NET1: variants seen among roughly 807,000 people sequenced by gnomAD.
The protein encoded by NET1 is neuroepithelial cell-transforming gene 1 protein.
NET1 carries 42 observed loss-of-function variants against 61.1 expected under a neutral mutation model. That is an observed-to-expected ratio of 0.69 (90% CI 0.54 to 0.89). The LOEUF is 0.89. Among genes scored for constraint, NET1 ranks in the 40% least tolerant of loss-of-function variants. The pLI is 0.00. For synonymous variants in NET1, 254 were observed against 281.8 expected, an observed-to-expected ratio of 0.90 and a Z score of 0.99; for missense variants, 654 against 747.3, an observed-to-expected ratio of 0.88 and a Z score of 1.46.
Position 5,427,149 on chromosome 10 carries a change from A to G in NET1, c.195+428A>G, listed in dbSNP as rs1741306513. 6.6e-6 allele frequency among the ~76,000 whole-genome samples: 1 copy of G among 152,156 alleles called. No homozygotes were observed. The highest frequency in any genetic ancestry group is 2.4e-5 in the African/African-American group (1 of 41,544). On this transcript the variant is annotated intron_variant, in intron 2 of 11. Coordinates refer to ENST00000355029, the MANE Select transcript of NET1 (RefSeq NM_001047160.3). The surrounding 1 kb of genome is among the most constrained non-coding windows in gnomAD (Gnocchi z 4.1). ...ATTTTCTGCTATTAATCATCTCAGC[A>G]TAGAGGGACTCTATTATTTTTATAG... is the stretch of plus-strand genomic sequence containing the variant.
In NET1 at chr10:5,441,409, A is replaced by G. The variant is rs775418619; in HGVS notation, c.256-10421A>G. Among the ~76,000 whole-genome samples, 4 of 152,248 alleles carry G rather than the reference A, an allele frequency of 2.6e-5. No individual in the cohort carries two copies. Among genetic ancestry groups the G allele is most frequent in the African/African-American group, 9.6e-5 (4 of 41,464 alleles). ...GCTGAGAAAACAGGAGGCTGGGCAC[A>G]AGACACAATATCCTTTTGTCTTTAG... On this transcript the variant is annotated intron_variant, in intron 3 of 11. Transcript: ENST00000355029. This position sits in a 1 kb window ranked among gnomAD's most constrained non-coding sequence, Gnocchi z 4.6.
chr10:5,427,571 T>C lies in NET1; in HGVS notation c.195+850T>C, dbSNP rs1832277192. Among the ~76,000 whole-genome samples the C allele has an allele frequency of 6.6e-6, 1 of 152,230 alleles. No homozygotes were observed. Among genetic ancestry groups the C allele is most frequent in the South Asian group, 2.1e-4 (1 of 4,830 alleles). On this transcript the variant is annotated intron_variant, in intron 2 of 11. Transcript: ENST00000355029. This position sits in a 1 kb window ranked among gnomAD's most constrained non-coding sequence, Gnocchi z 4.1. ...ATACACAAGCAGGATTTATGGTTAG[T>C]TGGCCTTTCAAACCTGGGATCATAT...
chr10:5,420,550 C>T lies in NET1; in HGVS notation c.129-6105C>T, dbSNP rs1832155922. 6.6e-6 allele frequency among the ~76,000 whole-genome samples: 1 copy of T among 152,122 alleles called. No individual in the cohort carries two copies. ...ACAGGCCTCTTAACGTCTTTCTCCT[C>T]ACCTCCCAGTTCTGGGTAGTAGGCA... On this transcript the variant is annotated intron_variant, in intron 1 of 11. Transcript: ENST00000355029. The surrounding 1 kb of genome is among the most constrained non-coding windows in gnomAD (Gnocchi z 5.3).
intron 3 of NET1, among the ~76,000 whole-genome samples, chr10:5,433,653 G>A (rs1832382311): frequency 6.6e-6 from 1 of 152,030 alleles, no homozygotes; most frequent in East Asian, 1.9e-4. Context: ...ATTGTGTTCT[G>A]GCATAAACTA....
At chr10:5,413,386 A>G (rs535912400) in intron 1 of NET1, among the ~76,000 whole-genome samples, 2 of 152,330 alleles carry the variant, frequency 1.3e-5, no homozygotes, top group South Asian at 4.1e-4. Flanking sequence ...TGAGATGCCT[A>G]TTAGAGAGTT....
At chr10:5,414,792 T>A (rs1832051414) in intron 1 of NET1, among the ~76,000 whole-genome samples, 1 of 152,070 alleles carries the variant, frequency 6.6e-6, no homozygotes, top group African/African-American at 2.4e-5. Flanking sequence ...AAGGACAGAA[T>A]CCAAATTCAA....
rs1227887867 is a variant in NET1, at chr10:5,439,042, T to C, written c.255+9813T>C. 1.3e-5 allele frequency among the ~76,000 whole-genome samples: 2 copies of C among 152,246 alleles called. No individual in the cohort carries two copies. The highest frequency in any genetic ancestry group is 2.9e-5 in the Non-Finnish European group (2 of 68,042). On this transcript the variant is annotated intron_variant, in intron 3 of 11. Coordinates refer to ENST00000355029, the MANE Select transcript of NET1 (RefSeq NM_001047160.3). This position sits in a 1 kb window ranked among gnomAD's most constrained non-coding sequence, Gnocchi z 4.8. ...TCCTTCCACTTTGTGGCCATTCTCATAGGCCCATCCATATGCCTCTTCTCC... is the reference window on the plus strand; with the variant it reads ...TCCTTCCACTTTGTGGCCATTCTCACAGGCCCATCCATATGCCTCTTCTCC...
Position 5,455,545 on chromosome 10 carries a change from G to A in NET1, c.1197+427G>A, listed in dbSNP as rs1588441841. On this transcript the variant is annotated intron_variant, in intron 10 of 11. Coordinates refer to ENST00000355029, the MANE Select transcript of NET1 (RefSeq NM_001047160.3). The surrounding 1 kb of genome is among the most constrained non-coding windows in gnomAD (Gnocchi z 6.5). ...ATGCTAATTATAAAAGTACCTGCTA[G>A]AACTAAGTGCAGTCACGGAATGGTA... Among the ~76,000 whole-genome samples the A allele has an allele frequency of 6.6e-6, 1 of 152,306 alleles. No homozygotes were observed. The highest frequency in any genetic ancestry group is 2.1e-4 in the South Asian group (1 of 4,824).
Position 5,426,488 on chromosome 10 carries a change from G to T in NET1, c.129-167G>T, listed in dbSNP as rs1564459462. 6.6e-6 allele frequency among the ~76,000 whole-genome samples: 1 copy of T among 151,936 alleles called. No individual in the cohort carries two copies. Among genetic ancestry groups the T allele is most frequent in the African/African-American group, 2.4e-5 (1 of 41,386 alleles). On this transcript the variant is annotated intron_variant, in intron 1 of 11. Transcript: ENST00000355029. The surrounding 1 kb of genome is among the most constrained non-coding windows in gnomAD (Gnocchi z 4.6). ...ACCAAAACCTATACCCTGTTTGTTT[G>T]TTTTTTATATATATATAGACCATCT...
rs1832568338 is a variant in NET1, at chr10:5,444,159, C to T, written c.256-7671C>T. Among the ~76,000 whole-genome samples the T allele has an allele frequency of 6.6e-6, 1 of 152,174 alleles. No homozygotes were observed. The highest frequency in any genetic ancestry group is 1.5e-5 in the Non-Finnish European group (1 of 68,016). ...GCTATATGGAAATATCTTCTACAGT[C>T]ATCCACTCTTAAGGCCAACCACATC... On this transcript the variant is annotated intron_variant, in intron 3 of 11. Transcript: ENST00000355029. This position sits in a 1 kb window ranked among gnomAD's most constrained non-coding sequence, Gnocchi z 5.3.
rs1464838580 is a variant in NET1, at chr10:5,431,190, C to T, written c.255+1961C>T. Among the ~76,000 whole-genome samples the T allele has an allele frequency of 2.0e-5, 3 of 152,168 alleles. No individual in the cohort carries two copies. The highest frequency in any genetic ancestry group is 2.0e-4 in the Admixed American group (3 of 15,292). Reference sequence around the variant, plus strand: ...CCGGCCTTAACTATATCTCTTAAGTCTCTTTTAGTTCATTGGTTTCCCCTC... The same window carrying T: ...CCGGCCTTAACTATATCTCTTAAGTTTCTTTTAGTTCATTGGTTTCCCCTC... On this transcript the variant is annotated intron_variant, in intron 3 of 11. Coordinates refer to ENST00000355029, the MANE Select transcript of NET1 (RefSeq NM_001047160.3). The surrounding 1 kb of genome is among the most constrained non-coding windows in gnomAD (Gnocchi z 4.9).
In NET1 at chr10:5,412,714, C is replaced by A; in HGVS notation, c.22C>A (p.Gln8Lys). ...TGCCATGGAGCCCGAGCTGGCGGCT[C>A]AGAAGCAGCCTCGACCGCGGAGGCG... The part of the protein sequence containing the change: MEPELAA[Q>K]KQPRPRRRSR... The change falls in exon 1 of 12, where the codon CAG (glutamine) becomes AAG (lysine). Residue 8 changes from glutamine (Q) to lysine (K), a missense_variant. Transcript: ENST00000355029. The surrounding 1 kb of genome is among the most constrained non-coding windows in gnomAD (Gnocchi z 6.5). 6.8e-7 allele frequency: 1 copy of A among 1,476,702 alleles called. No individual in the cohort carries two copies. Among genetic ancestry groups the A allele is most frequent in the South Asian group, 1.3e-5 (1 of 77,264 alleles). 91.5% of individuals were successfully genotyped at this position (1,476,702 alleles called of 1,614,324 possible). A position where few individuals can be genotyped will look rare whatever the true frequency, so the allele number is the denominator to read the frequency against.
At position 5,456,232 on chromosome 10, in the gene NET1, T is replaced by C. The variant is rs772735811; in HGVS notation, c.1343T>C (p.Met448Thr). 6.2e-7 allele frequency: 1 copy of C among 1,613,606 alleles called. No homozygotes were observed. The highest frequency in any genetic ancestry group is 1.1e-5 in the South Asian group (1 of 90,860). The change falls in exon 11 of 12, where the codon ATG (methionine) becomes ACG (threonine). Residue 448 changes from methionine to threonine, a missense_variant. Physicochemically the swap from Met to Thr is moderately conservative, Grantham distance 81. Transcript: ENST00000355029. The surrounding 1 kb of genome is among the most constrained non-coding windows in gnomAD (Gnocchi z 7.0). ...GACCTGCAGGATGGAGATGTGAGAATGGGAGGCTCCTTTCGAGGAGCTTTC... is the reference window on the plus strand; with the variant it reads ...GACCTGCAGGATGGAGATGTGAGAACGGGAGGCTCCTTTCGAGGAGCTTTC... ...LEDLQDGDVR[M>T]GGSFRGAFSN... is the part of the protein sequence containing the mutation.
rs963612991 is a variant in NET1, at chr10:5,417,276, T to C, written c.128+4456T>C. Among the ~76,000 whole-genome samples, 1 of 151,752 alleles carries C rather than the reference T, an allele frequency of 6.6e-6. No individual in the cohort carries two copies. The highest frequency in any genetic ancestry group is 2.4e-5 in the African/African-American group (1 of 41,308). ...GTTTTTATAGGCACAGGTGGGGGCG[T>C]GCTTTTATAGGCACAGGATGGGGGT... On this transcript the variant is annotated intron_variant, in intron 1 of 11. Coordinates refer to ENST00000355029, the MANE Select transcript of NET1 (RefSeq NM_001047160.3). The surrounding 1 kb of genome is among the most constrained non-coding windows in gnomAD (Gnocchi z 5.5).
In NET1 at chr10:5,423,799, G is replaced by A. The variant is rs1427494590; in HGVS notation, c.129-2856G>A. On this transcript the variant is annotated intron_variant, in intron 1 of 11. Transcript: ENST00000355029. This position sits in a 1 kb window ranked among gnomAD's most constrained non-coding sequence, Gnocchi z 4.4. ...ATAGCTATTACATTTTGAGTCTGACGCTTGTGAAAAAATGAGTATATGTCT... is the reference window on the plus strand; with the variant it reads ...ATAGCTATTACATTTTGAGTCTGACACTTGTGAAAAAATGAGTATATGTCT... Among the ~76,000 whole-genome samples the A allele has an allele frequency of 3.3e-5, 5 of 152,182 alleles. No homozygotes were observed. In the East Asian group the frequency reaches 5.8e-4, roughly 18 times the overall value.
chr10:5,458,974 C>A lies in NET1; in HGVS notation c.*1980C>A, dbSNP rs192747829. On this transcript the variant is annotated 3_prime_UTR_variant, in exon 12 of 12. Coordinates refer to ENST00000355029, the MANE Select transcript of NET1 (RefSeq NM_001047160.3). This position sits in a 1 kb window ranked among gnomAD's most constrained non-coding sequence, Gnocchi z 4.5. The stretch of plus-strand genomic sequence containing the variant: ...AATGGAATTATGTTTTATTTAAAAC[C>A]GTATCTTCTTTTGGTTCCCTCAAAG... Among the ~76,000 whole-genome samples, 1 of 152,164 alleles carries A rather than the reference C, an allele frequency of 6.6e-6. No homozygotes were observed. The highest frequency in any genetic ancestry group is 1.5e-5 in the Non-Finnish European group (1 of 67,978).
At position 5,454,662 on chromosome 10, in the gene NET1, C is replaced by A; in HGVS notation, c.1026+140C>A. The stretch of plus-strand genomic sequence containing the variant: ...TTTAAGTACCCAGTGCGTTAGTACG[C>A]TGTGCACTAAGCAATAAGGAGCTGT... On this transcript the variant is annotated intron_variant, in intron 9 of 11. Coordinates refer to ENST00000355029, the MANE Select transcript of NET1 (RefSeq NM_001047160.3). This position sits in a 1 kb window ranked among gnomAD's most constrained non-coding sequence, Gnocchi z 8.1. The A allele has an allele frequency of 2.0e-6, 2 of 1,003,810 alleles. No homozygotes were observed. Among genetic ancestry groups the A allele is most frequent in the Non-Finnish European group, 2.9e-6 (2 of 691,866 alleles). 62.2% of individuals were successfully genotyped at this position (1,003,810 alleles called of 1,614,324 possible).
At chr10:5,438,412 A>G (rs1203714962) in intron 3 of NET1, among the ~76,000 whole-genome samples, 1 of 152,194 alleles carries the variant, frequency 6.6e-6, no homozygotes, top group Non-Finnish European at 1.5e-5. Context: ...GGCTATTACT[A>G]CCATATTGTA....
rs142189671 is a variant in NET1 at position 5,444,013 on chromosome 10, C to T, written c.256-7817C>T. Among the ~76,000 whole-genome samples the T allele has an allele frequency of 2.0e-5, 3 of 152,336 alleles. No individual in the cohort carries two copies. Among genetic ancestry groups the T allele is most frequent in the African/African-American group, 7.2e-5 (3 of 41,576 alleles). On this transcript the variant is annotated intron_variant, in intron 3 of 11. Coordinates refer to ENST00000355029, the MANE Select transcript of NET1 (RefSeq NM_001047160.3). The surrounding 1 kb of genome is among the most constrained non-coding windows in gnomAD (Gnocchi z 5.3). ...TTTTAACTGATGAAGCTAACTGAAC[C>T]AGACTGCTGGGGTCTAGCCTAGGCT...
Sources: gnomAD v4.1 joint callset for allele counts (sites outside exome capture counted in the v4.1 genomes callset) on GRCh38, gnomAD v4.1.1 for gene constraint, Gnocchi (gnomAD v3.1) non-coding constraint, MANE v1.5 for transcripts, NCBI Gene and HGNC (gene_info 2026-07-23, HGNC 2026-07-21) for gene names.